GAS7: variants seen among roughly 807,000 people sequenced by gnomAD.
GAS7 encodes the protein growth arrest-specific protein 7.
In GAS7, 28 loss-of-function variants were observed where a neutral mutation model predicts 71.1. The observed-to-expected ratio is 0.39, with a 90% CI of 0.29 to 0.54. GAS7 has a LOEUF of 0.54. GAS7 is among the 20% of genes least tolerant of loss of function. The pLI is 0.62. For synonymous variants in GAS7, 258 were observed against 245.8 expected (o/e 1.05, Z -0.46); for missense variants, 436 against 627.8 (o/e 0.69, Z 3.27).
intron 2 of GAS7, among the ~76,000 whole-genome samples, chr17:10,008,394 T>C (rs948181399): frequency 1.3e-5 from 2 of 152,250 alleles, no homozygotes; most frequent in Non-Finnish European, 2.9e-5. Flanking sequence ...GCTCTCACAC[T>C]GTTTACCAGT....
At chr17:9,982,182 T>C (rs2070436015) in intron 2 of GAS7, among the ~76,000 whole-genome samples, 1 of 152,114 alleles carries the variant, frequency 6.6e-6, no homozygotes, top group Admixed American at 6.6e-5. Flanking sequence ...CAAGATCCTC[T>C]AAAATATCCT....
At chr17:9,970,927 A>G (rs7210608) in intron 3 of GAS7, among the ~76,000 whole-genome samples, 96,749 of 152,052 alleles carry the variant, frequency 0.64, 31,436 homozygotes, top group African/African-American at 0.77. Flanking sequence ...GCTCTTGTAG[A>G]AATATAACTA....
intron 4 of GAS7, among the ~76,000 whole-genome samples, chr17:9,960,648 A>G (rs992743646): frequency 2.5e-4 from 38 of 152,216 alleles, no homozygotes; most frequent in Admixed American, 2.4e-3. Context: ...ACCTGGCCAA[A>G]TGACCATCTG....
chr17:10,001,218 CAG>C lies in GAS7; in HGVS notation c.304+18557_304+18558del, dbSNP rs1211604790. 2.0e-5 allele frequency among the ~76,000 whole-genome samples: 3 copies of C among 152,186 alleles called. No individual in the cohort carries two copies. In the East Asian group the frequency reaches 5.8e-4, roughly 29 times the overall value. On this transcript the variant is annotated intron_variant, in intron 2 of 13. Coordinates refer to ENST00000432992, the MANE Select transcript of GAS7 (RefSeq NM_201433.2). Reference sequence around the variant, plus strand: ...GAAATCTGAGAAAGATCAAGAGAAACAGAGGAGCAAGAGGGTTATGCTAGGGA... The same window carrying C: ...GAAATCTGAGAAAGATCAAGAGAAACAGGAGCAAGAGGGTTATGCTAGGGA...
At chr17:10,166,844 G>A (rs934141161) in intron 1 of GAS7, among the ~76,000 whole-genome samples, 3 of 152,070 alleles carry the variant, frequency 2.0e-5, no homozygotes, top group Admixed American at 6.6e-5. Flanking sequence ...CAGGACCTAC[G>A]TTTCCATGAG....
intron 2 of GAS7, among the ~76,000 whole-genome samples, chr17:10,005,413 T>C (rs1005026707): frequency 6.6e-6 from 1 of 151,108 alleles, no homozygotes; most frequent in Non-Finnish European, 1.5e-5. Flanking sequence ...TGATGTAAAA[T>C]CACCAGGCAC....
At chr17:10,198,085 G>T in intron 1 of GAS7, 123 bp downstream of exon 1, 1 of 893,886 alleles carries the variant, frequency 1.1e-6, no homozygotes, top group South Asian at 1.6e-5. Context: ...GCGCCGGCAA[G>T]GGCTGCCCCC....
intron 1 of GAS7, among the ~76,000 whole-genome samples, chr17:10,175,247 C>A (rs1240238134): frequency 1.7e-5 from 2 of 120,712 alleles, no homozygotes; most frequent in East Asian, 4.7e-4. Flanking sequence ...CAAACTGTCC[C>A]TAGGTCCCTA....
At chr17:10,138,155 C>T (rs933553211) in intron 1 of GAS7, among the ~76,000 whole-genome samples, 2 of 150,968 alleles carry the variant, frequency 1.3e-5, no homozygotes, top group African/African-American at 4.9e-5. Flanking sequence ...TTAGTAGAGA[C>T]CGGGTTTCAC....
intron 1 of GAS7, among the ~76,000 whole-genome samples, chr17:10,073,153 T>C (rs1315847373): frequency 6.6e-6 from 1 of 152,182 alleles, no homozygotes; most frequent in African/African-American, 2.4e-5. Context: ...ACAAGTGACA[T>C]GTGAATCACA....
intron 4 of GAS7, among the ~76,000 whole-genome samples, chr17:9,962,434 G>C (rs1412697010): frequency 1.3e-5 from 2 of 152,150 alleles, no homozygotes; most frequent in African/African-American, 4.8e-5. Flanking sequence ...GTACCAAGAG[G>C]TAAGAAAGTA....
At chr17:10,053,497 A>C (rs2073091505) in intron 1 of GAS7, among the ~76,000 whole-genome samples, 1 of 152,150 alleles carries the variant, frequency 6.6e-6, no homozygotes, top group South Asian at 2.1e-4. Flanking sequence ...CAGCGCCTGA[A>C]TGCCTGGTCA....
intron 1 of GAS7, among the ~76,000 whole-genome samples, chr17:10,161,900 T>C (rs1486364816): frequency 1.3e-5 from 2 of 151,778 alleles, no homozygotes; most frequent in Non-Finnish European, 2.9e-5. Context: ...CCGTCTCTAC[T>C]AAAAAACATA....
At chr17:10,142,265 A>G (rs141641482) in intron 1 of GAS7, among the ~76,000 whole-genome samples, 1 of 152,306 alleles carries the variant, frequency 6.6e-6, no homozygotes, top group East Asian at 1.9e-4. Context: ...GATAACTACC[A>G]GAACTAAAAG....
intron 1 of GAS7, among the ~76,000 whole-genome samples, chr17:10,033,955 G>C (rs929206300): frequency 6.6e-6 from 1 of 152,224 alleles, no homozygotes; most frequent in African/African-American, 2.4e-5. Context: ...GGGAAATGAA[G>C]TCTAATAAGG....
At chr17:10,123,371 TC>T (rs962732764) in intron 1 of GAS7, among the ~76,000 whole-genome samples, 1 of 152,160 alleles carries the variant, frequency 6.6e-6, no homozygotes, top group African/African-American at 2.4e-5. Context: ...TTGCTGCTGG[TC>T]CAGGGACCAC....
intron 1 of GAS7, among the ~76,000 whole-genome samples, chr17:10,158,335 G>GGAAAAAAAAAA (rs2074221154): frequency 1.0e-5 from 1 of 98,076 alleles, no homozygotes; most frequent in African/African-American, 4.1e-5. Flanking sequence ...TCTTTTTTTG[G>GGAAAAAAAAAA]TAAAAAAAAA....
chr17:9,939,626 T>C (rs2152089638), intron 8 of GAS7, among the ~76,000 whole-genome samples: 1 of 152,114 alleles, frequency 6.6e-6, no homozygotes, highest in African/African-American at 2.4e-5. Flanking sequence ...TTTTTTTTTT[T>C]TGAGACGGAG....
At chr17:9,955,942 G>T (rs577733483) in intron 5 of GAS7, among the ~76,000 whole-genome samples, 1 of 152,314 alleles carries the variant, frequency 6.6e-6, no homozygotes, top group South Asian at 2.1e-4. Context: ...GTTCCTGCAG[G>T]GCTTTTCCGC....
Sources: gnomAD v4.1 joint callset for allele counts (sites outside exome capture counted in the v4.1 genomes callset) on GRCh38, gnomAD v4.1.1 for gene constraint, MANE v1.5 for transcripts, NCBI Gene and HGNC (gene_info 2026-07-23, HGNC 2026-07-21) for gene names.